Variants in FER1L5 observed in about 807,000 individuals in gnomAD.
FER1L5 encodes the protein fer-1 like family member 5.
A neutral mutation model predicts 279.9 loss-of-function variants in FER1L5; 187 were observed. The ratio of observed to expected loss-of-function variants is 0.67; its 90% CI spans 0.59 to 0.75. The LOEUF (loss-of-function observed/expected upper bound fraction) is 0.75, where lower values mean the gene tolerates loss of function less well. Among genes scored for constraint, FER1L5 ranks in the 30% least tolerant of loss-of-function variants. The pLI is 0.00. For synonymous variants in FER1L5, 921 were observed against 989.7 expected, an observed-to-expected ratio of 0.93 and a Z score of 1.30; for missense variants, 2,091 against 2,594.4, an observed-to-expected ratio of 0.81 and a Z score of 4.21.
chr2:96,699,735 G>A lies in FER1L5; in HGVS notation c.4781+15G>A, dbSNP rs767438732. 35 of 1,613,204 alleles carry A rather than the reference G, an allele frequency of 2.2e-5. No homozygotes were observed. Among genetic ancestry groups the A allele is most frequent in the Middle Eastern group, 1.7e-4 (1 of 6,058 alleles). ...TCCTACTGCCAGTGAGAGTGGGCCC[G>A]TCTGGGGGAAGGGAGTCAGGTGGGG... On this transcript the variant is annotated intron_variant, in intron 43 of 52. Transcript: ENST00000624922.
intron 13 of FER1L5, 143 bp from the exon 14 acceptor site, chr2:96,663,296 C>A: frequency 1.4e-6 from 1 of 711,776 alleles, no homozygotes; most frequent in Non-Finnish European, 2.5e-6. Flanking sequence ...AGAAGTTGTG[C>A]AGGTGTCTTG....
intron 23 of FER1L5, 180 bp from the exon 24 acceptor site, chr2:96,687,636 C>A: frequency 1.1e-6 from 1 of 947,878 alleles, no homozygotes; most frequent in Non-Finnish European, 1.5e-6. Flanking sequence ...GGAGCCACCC[C>A]ACTCTGGAGG....
At chr2:96,696,223 G>A in intron 37 of FER1L5, 146 bp downstream of exon 37, 3 of 830,044 alleles carry the variant, frequency 3.6e-6, no homozygotes, top group Non-Finnish European at 5.6e-6. Context: ...CAGCCTATAG[G>A]GTCTCTGTAG....
intron 37 of FER1L5, among the ~76,000 whole-genome samples, chr2:96,696,602 T>TAA (rs569496382): frequency 3.3e-5 from 5 of 151,506 alleles, no homozygotes; most frequent in Non-Finnish European, 7.4e-5. Flanking sequence ...CCTTAAATCT[T>TAA]AAAAAAAAAT....
At chr2:96,668,263 C>A (rs1226897918) in intron 14 of FER1L5, among the ~76,000 whole-genome samples, 2 of 152,126 alleles carry the variant, frequency 1.3e-5, no homozygotes, top group African/African-American at 4.8e-5. Context: ...GTGGCTCACA[C>A]CTCTAATCCC....
rs943382024 is a variant in FER1L5, at chr2:96,694,298, G to C, written c.3637-62G>C. 6.9e-7 allele frequency: 1 copy of C among 1,447,938 alleles called. No homozygotes were observed. Among genetic ancestry groups the C allele is most frequent in the African/African-American group, 1.4e-5 (1 of 70,270 alleles). The allele number at this position is 1,447,938 out of a possible 1,614,324, so 89.7% of individuals were successfully genotyped here. A position where few individuals can be genotyped will look rare whatever the true frequency, so the allele number is the denominator to read the frequency against. ...GGTGAGGCCTCTGAGGGACCTGCTT[G>C]AGGTGAGGGTGAGGGCAGCAGGACC... On this transcript the variant is annotated intron_variant, in intron 33 of 52. Transcript: ENST00000624922. The surrounding 1 kb of genome is among the most constrained non-coding windows in gnomAD (Gnocchi z 4.6).
chr2:96,702,353 T>G lies in FER1L5; in HGVS notation c.5207T>G (p.Val1736Gly), dbSNP rs760854901. 8.7e-5 allele frequency: 140 copies of G among 1,613,042 alleles called. No individual in the cohort carries two copies. The highest frequency in any genetic ancestry group is 1.2e-4 in the Non-Finnish European group (137 of 1,179,666). Reference protein sequence around the residue: ...IIWKTANVDLVDDNLSREKTS... With the variant: ...IIWKTANVDLGDDNLSREKTS... ...TGGAAGACTGCCAATGTGGACCTGG[T>G]GGATGACAATTTAAGTAGAGAGAAG... Residue 1736 changes from valine to glycine, a missense_variant, in exon 47 of 53, where the codon GTG (valine) becomes GGG (glycine). Transcript: ENST00000624922. This position sits in a 1 kb window ranked among gnomAD's most constrained non-coding sequence, Gnocchi z 4.0.
rs770492116 is a variant in FER1L5 at position 96,702,519 on chromosome 2, T to C, written c.5256-81T>C. Reference sequence around the variant, plus strand: ...CCATCCAGCTCTGCCTGGCGTCGGCTGGGCAGCCCTTCCCATGGGGCTCCA... The same window carrying C: ...CCATCCAGCTCTGCCTGGCGTCGGCCGGGCAGCCCTTCCCATGGGGCTCCA... On this transcript the variant is annotated intron_variant, in intron 47 of 52. Transcript: ENST00000624922. The surrounding 1 kb of genome is among the most constrained non-coding windows in gnomAD (Gnocchi z 4.0). The C allele has an allele frequency of 1.9e-5, 29 of 1,549,116 alleles. No homozygotes were observed. The highest frequency in any genetic ancestry group is 2.4e-5 in the Non-Finnish European group (28 of 1,145,622).
chr2:96,673,273 C>A lies in FER1L5; in HGVS notation c.1669+19C>A, dbSNP rs766693812. 6.5e-6 allele frequency: 10 copies of A among 1,542,116 alleles called. No individual in the cohort carries two copies. The African/African-American group carries it at 1.2e-4, about 19-fold the overall frequency. ...TATGATGGTAATTGTCAGATTCAGG[C>A]AATAAGTAGAGAGCAGCCACTGCAT... is the stretch of plus-strand genomic sequence containing the variant. On this transcript the variant is annotated intron_variant, in intron 19 of 52. Transcript: ENST00000624922.
At chr2:96,690,363 T>A in intron 26 of FER1L5, 124 bp from the exon 27 acceptor site, 1 of 787,374 alleles carries the variant, frequency 1.3e-6, no homozygotes, top group Non-Finnish European at 2.1e-6. Context: ...GCAAGCACAG[T>A]CTGGCCTGGA....
Position 96,689,364 on chromosome 2 carries a change from A to G in FER1L5, c.2513A>G (p.Glu838Gly). Residue 838 changes from glutamate (E) to glycine (G), a missense_variant, in exon 25 of 53, where the codon GAA (glutamate) becomes GGA (glycine). Coordinates refer to ENST00000624922, the MANE Select transcript of FER1L5 (RefSeq NM_001293083.2). The surrounding 1 kb of genome is among the most constrained non-coding windows in gnomAD (Gnocchi z 4.6). The stretch of plus-strand genomic sequence containing the variant: ...CACTGGCAGGACAGCTGGACAGTGG[A>G]ACCTCAGAGAAGGTAAGGCCAGAGG... ...GWHWQDSWTV[E>G]PQRRLLLDID... The G allele has an allele frequency of 6.5e-7, 1 of 1,549,802 alleles. No homozygotes were observed. Among genetic ancestry groups the G allele is most frequent in the East Asian group, 2.4e-5 (1 of 40,898 alleles).
rs904230526 is a variant in FER1L5 at position 96,693,393 on chromosome 2, T to A, written c.3293-113T>A. On this transcript the variant is annotated intron_variant, in intron 31 of 52. Transcript: ENST00000624922. Reference sequence around the variant, plus strand: ...GGGGCCTCTGGGAGGCCTCAGTGGCTGCCCTGCCTGACCCTCCTGGGCCCC... The same window carrying A: ...GGGGCCTCTGGGAGGCCTCAGTGGCAGCCCTGCCTGACCCTCCTGGGCCCC... The A allele has an allele frequency of 5.1e-5, 57 of 1,120,390 alleles. No individual in the cohort carries two copies. The African/African-American group carries it at 7.8e-4, about 15-fold the overall frequency. The allele number at this position is 1,120,390 out of a possible 1,614,324, so 69.4% of individuals were successfully genotyped here.
At chr2:96,700,523 G>C in intron 45 of FER1L5, 52 bp downstream of exon 45, 1 of 1,606,530 alleles carries the variant, frequency 6.2e-7, no homozygotes, top group Non-Finnish European at 8.5e-7. Context: ...GCTAGATCAG[G>C]AGACAGAGAT....
chr2:96,659,365 C>CTT (rs1257222383), intron 9 of FER1L5, among the ~76,000 whole-genome samples: 1 of 13,694 alleles, frequency 7.3e-5, no homozygotes. Context: ...TTCCTTCCTT[C>CTT]TTTCTTTCTT....
Position 96,689,788 on chromosome 2 carries a change from G to A in FER1L5, c.2640+30G>A. ...GCAGGGCCGAAGCTGCCTCGGGTTA[G>A]GGGGCAAGCAAGGCCACCAGGCGGG... On this transcript the variant is annotated intron_variant, in intron 26 of 52. Coordinates refer to ENST00000624922, the MANE Select transcript of FER1L5 (RefSeq NM_001293083.2). The surrounding 1 kb of genome is among the most constrained non-coding windows in gnomAD (Gnocchi z 4.6). 6.6e-7 allele frequency: 1 copy of A among 1,516,016 alleles called. No homozygotes were observed. Among genetic ancestry groups the A allele is most frequent in the Non-Finnish European group, 8.9e-7 (1 of 1,127,856 alleles). 93.9% of individuals were successfully genotyped at this position (1,516,016 alleles called of 1,614,324 possible). A position where few individuals can be genotyped will look rare whatever the true frequency, so the allele number is the denominator to read the frequency against.
intron 14 of FER1L5, among the ~76,000 whole-genome samples, chr2:96,668,249 C>T (rs780183232): frequency 2.0e-5 from 3 of 151,990 alleles, no homozygotes; most frequent in Non-Finnish European, 2.9e-5. Context: ...CCCAGCTGGG[C>T]GAGGTGGCTC....
rs2075967523 is a variant in FER1L5 at position 96,661,894 on chromosome 2, T to C, written c.1018+103T>C. Reference sequence around the variant, plus strand: ...CTCATTCCTTTTGGCACTAAACTACTGTTTGGGGTAGGGGGGACAGGGTGA... The same window carrying C: ...CTCATTCCTTTTGGCACTAAACTACCGTTTGGGGTAGGGGGGACAGGGTGA... On this transcript the variant is annotated intron_variant, in intron 12 of 52. Transcript: ENST00000624922. 4 of 1,466,450 alleles carry C rather than the reference T, an allele frequency of 2.7e-6. No homozygotes were observed. In the East Asian group the frequency reaches 7.4e-5, roughly 27 times the overall value. 90.8% of individuals were successfully genotyped at this position (1,466,450 alleles called of 1,614,324 possible).
chr2:96,677,598 G>A (rs2076555419), intron 19 of FER1L5, among the ~76,000 whole-genome samples: 1 of 152,146 alleles, frequency 6.6e-6, no homozygotes, highest in Non-Finnish European at 1.5e-5. Flanking sequence ...GGGCACGGTG[G>A]CTCACTCCTG....
chr2:96,658,664 A>G (rs2075697942), intron 9 of FER1L5, among the ~76,000 whole-genome samples: 1 of 152,152 alleles, frequency 6.6e-6, no homozygotes, highest in South Asian at 2.1e-4. Flanking sequence ...CAGTTGCCCC[A>G]CATTCTCCAC....
Sources: gnomAD v4.1 joint callset for allele counts (sites outside exome capture counted in the v4.1 genomes callset) on GRCh38, gnomAD v4.1.1 for gene constraint, Gnocchi (gnomAD v3.1) non-coding constraint, MANE v1.5 for transcripts, NCBI Gene and HGNC (gene_info 2026-07-23, HGNC 2026-07-21) for gene names.